Variants in FAM20B observed in about 807,000 individuals in gnomAD.
FAM20B encodes glycosaminoglycan xylosylkinase.
A neutral mutation model predicts 43.8 loss-of-function variants in FAM20B; 23 were observed. The observed-to-expected ratio is 0.53, with a 90% CI of 0.38 to 0.74. The LOEUF (loss-of-function observed/expected upper bound fraction) is 0.74, where lower values mean the gene tolerates loss of function less well. Among genes scored for constraint, FAM20B ranks in the 30% least tolerant of loss-of-function variants. The probability of loss-of-function intolerance (pLI) is 0.00; values close to 1 mark genes in which losing one functional copy is unlikely to be tolerated. For missense variants in FAM20B, 440 were observed against 510.5 expected, an observed-to-expected ratio of 0.86 and a Z score of 1.33; for synonymous variants, 178 against 192.4, an observed-to-expected ratio of 0.93 and a Z score of 0.62.
chr1:179,070,963 G>A (rs910908960), intron 7 of FAM20B, among the ~76,000 whole-genome samples: 4 of 151,952 alleles, frequency 2.6e-5, no homozygotes, highest in Non-Finnish European at 5.9e-5. Flanking sequence ...CATTCAAATG[G>A]TAGCAGTTGG....
rs370069264 is a variant in FAM20B at position 179,064,396 on chromosome 1, G to C, written c.838G>C (p.Val280Leu). Residue 280 changes from valine to leucine, a missense_variant, in exon 6 of 8, where the codon GTC becomes CTC. Coordinates refer to ENST00000263733, the MANE Select transcript of FAM20B (RefSeq NM_014864.4). ...PRLLDIIDTA[V>L]FDYLIGNADR... ...CCTCTTGGACATCATTGACACAGCTGTCTTTGATTACCTGATTGGCAATGC... is the reference window on the plus strand; with the variant it reads ...CCTCTTGGACATCATTGACACAGCTCTCTTTGATTACCTGATTGGCAATGC... 1.7e-5 allele frequency: 27 copies of C among 1,614,158 alleles called. 1 individual carries two copies. In the Admixed American group the frequency reaches 2.2e-4, roughly 13 times the overall value.
intron 7 of FAM20B, among the ~76,000 whole-genome samples, chr1:179,071,168 T>G (rs938853157): frequency 4.6e-5 from 7 of 151,476 alleles, no homozygotes; most frequent in Non-Finnish European, 1.0e-4. Context: ...TGGTGGCGGG[T>G]GCCTGTAGTC....
intron 3 of FAM20B, among the ~76,000 whole-genome samples, chr1:179,052,229 T>G (rs1169313362): frequency 1.3e-5 from 2 of 152,182 alleles, no homozygotes; most frequent in Admixed American, 6.5e-5. Context: ...ATATGTATGT[T>G]AAAACTCTAT....
At chr1:179,026,313 T>C (rs1310908540) in intron 1 of FAM20B, among the ~76,000 whole-genome samples, 1 of 151,430 alleles carries the variant, frequency 6.6e-6, no homozygotes, top group African/African-American at 2.4e-5. Context: ...GCCCGAGGCT[T>C]CCTGGGAGAC....
At chr1:179,020,208 T>C in the FAM20B span, among the ~76,000 whole-genome samples, 1 of 151,760 alleles carries the variant, frequency 6.6e-6, no homozygotes, top group Admixed American at 6.6e-5. Flanking sequence ...TAAATGTAAA[T>C]GCCTTTGAAG....
intron 1 of FAM20B, among the ~76,000 whole-genome samples, chr1:179,040,511 G>T (rs376527835): frequency 5.2e-4 from 70 of 135,708 alleles, no homozygotes; most frequent in African/African-American, 1.9e-3. Flanking sequence ...CCTCCCTCCC[G>T]GACGGGGCGG....
intron 6 of FAM20B, among the ~76,000 whole-genome samples, chr1:179,065,827 A>G (rs1007558841): frequency 1.3e-5 from 2 of 152,174 alleles, no homozygotes; most frequent in Non-Finnish European, 2.9e-5. Context: ...TCAGAAATGT[A>G]TTGCTTACAG....
At chr1:179,039,739 A>T (rs572833430) in intron 1 of FAM20B, among the ~76,000 whole-genome samples, 1,566 of 120,364 alleles carry the variant, frequency 0.013, 26 homozygotes, top group African/African-American at 0.043. Flanking sequence ...TTATTTATTT[A>T]TTATTTTTTT....
At chr1:179,042,905 TG>T (rs1370957505) in intron 1 of FAM20B, among the ~76,000 whole-genome samples, 2 of 152,160 alleles carry the variant, frequency 1.3e-5, no homozygotes, top group Admixed American at 6.5e-5. Flanking sequence ...GATTGGCCCA[TG>T]GGTGGCCATG....
intron 1 of FAM20B, among the ~76,000 whole-genome samples, chr1:179,029,208 G>A (rs1205264162): frequency 6.6e-6 from 1 of 152,260 alleles, no homozygotes; most frequent in Non-Finnish European, 1.5e-5. Flanking sequence ...GAAGAGGGGA[G>A]TTATCCCTTT....
At chr1:179,019,442 G>GT in the FAM20B span, among the ~76,000 whole-genome samples, 1 of 147,598 alleles carries the variant, frequency 6.8e-6, no homozygotes, top group Non-Finnish European at 1.5e-5. Context: ...CTTTCTTTCT[G>GT]GTTTTTTTTT....
At chr1:179,020,621 A>G in the FAM20B span, among the ~76,000 whole-genome samples, 11 of 152,364 alleles carry the variant, frequency 7.2e-5, no homozygotes, top group Non-Finnish European at 1.2e-4. Context: ...ACCTATTAAC[A>G]TGGCCCTGGC....
At chr1:179,020,758 C>T in the FAM20B span, among the ~76,000 whole-genome samples, 1 of 152,126 alleles carries the variant, frequency 6.6e-6, no homozygotes. Context: ...CAGATGGGGG[C>T]AGGCATAGAG....
upstream of FAM20B, among the ~76,000 whole-genome samples, chr1:179,023,542 T>C (rs1649640297): frequency 6.6e-6 from 1 of 152,228 alleles, no homozygotes; most frequent in Admixed American, 6.5e-5. Flanking sequence ...TCTTCATCTC[T>C]GCATGGTCTG....
chr1:179,046,205 T>C (rs1017037054), intron 2 of FAM20B, among the ~76,000 whole-genome samples: 2 of 152,202 alleles, frequency 1.3e-5, no homozygotes, highest in Non-Finnish European at 2.9e-5. Flanking sequence ...TTCTCTAAGT[T>C]TGTTTGCTTC....
At chr1:179,039,924 G>A (rs1442235965) in intron 1 of FAM20B, among the ~76,000 whole-genome samples, 3 of 151,902 alleles carry the variant, frequency 2.0e-5, no homozygotes, top group African/African-American at 7.3e-5. Context: ...ATTAGGGAGT[G>A]GTGATGACTC....
intron 1 of FAM20B, among the ~76,000 whole-genome samples, chr1:179,031,325 T>C (rs1448040682): frequency 1.3e-5 from 2 of 152,264 alleles, no homozygotes; most frequent in Admixed American, 1.3e-4. Flanking sequence ...AAATTGTTAC[T>C]CATTTCCACG....
chr1:179,036,757 A>G (rs1650245666), intron 1 of FAM20B, among the ~76,000 whole-genome samples: 3 of 152,182 alleles, frequency 2.0e-5, no homozygotes, highest in Non-Finnish European at 4.4e-5. Context: ...ATTAAGAACC[A>G]TATGCAATAA....
chr1:179,023,241 A>G (rs1401193373), upstream of FAM20B, among the ~76,000 whole-genome samples: 1 of 152,168 alleles, frequency 6.6e-6, no homozygotes, highest in African/African-American at 2.4e-5. Context: ...CTGGAGGGGG[A>G]CAGCCAAATT....
Sources: gnomAD v4.1 joint callset for allele counts (sites outside exome capture counted in the v4.1 genomes callset) on GRCh38, gnomAD v4.1.1 for gene constraint, MANE v1.5 for transcripts, NCBI Gene and HGNC (gene_info 2026-07-23, HGNC 2026-07-21) for gene names.